Variants in COBLL1 observed in about 807,000 individuals in gnomAD.
The protein encoded by COBLL1 is cordon-bleu protein-like 1.
A neutral mutation model predicts 94.8 loss-of-function variants in COBLL1; 50 were observed. The ratio of observed to expected loss-of-function variants is 0.53; its 90% CI spans 0.42 to 0.67. The LOEUF (loss-of-function observed/expected upper bound fraction) is 0.67. Among genes scored for constraint, COBLL1 ranks in the 30% least tolerant of loss-of-function variants. The pLI, the probability that COBLL1 is intolerant of heterozygous loss-of-function variation, is 0.00. For missense variants in COBLL1, 1,362 were observed against 1,348.7 expected (o/e 1.01, Z -0.15); for synonymous variants, 448 against 473.8 (o/e 0.95, Z 0.71).
At chr2:164,767,104 A>C (rs1687969477) in intron 2 of COBLL1, among the ~76,000 whole-genome samples, 2 of 152,340 alleles carry the variant, frequency 1.3e-5, no homozygotes, top group South Asian at 4.1e-4. Context: ...TAACTTATGT[A>C]CTGGTTTCAC....
rs73968273 is a variant in COBLL1 at position 164,816,348 on chromosome 2, T to C, written c.41+24808A>G. Among the ~76,000 whole-genome samples the C allele has an allele frequency of 2.7e-3, 407 of 152,110 alleles. 4 individuals carry two copies. The highest frequency in any genetic ancestry group is 9.3e-3 in the African/African-American group (388 of 41,522). ...GAAAAGAATGTGGGTGAAAGGACAG[T>C]GTGAGAGATAAGGCCACAAAGGAAA... On this transcript the variant is annotated intron_variant, in intron 2 of 13. Transcript: ENST00000652658.
chr2:164,706,360 A>G (rs1368088966), intron 7 of COBLL1, among the ~76,000 whole-genome samples: 1 of 152,242 alleles, frequency 6.6e-6, no homozygotes, highest in African/African-American at 2.4e-5. Context: ...TCATCTCCTG[A>G]TCAACACTGG....
Position 164,841,575 on chromosome 2 carries a change from G to A in COBLL1, c.-51+135C>T, listed in dbSNP as rs984657760. The A allele has an allele frequency of 5.6e-6, 3 of 535,480 alleles. No individual in the cohort carries two copies. Among genetic ancestry groups the A allele is most frequent in the Non-Finnish European group, 7.7e-6 (3 of 387,696 alleles). 33.2% of individuals were successfully genotyped at this position (535,480 alleles called of 1,614,324 possible). On this transcript the variant is annotated intron_variant, in intron 1 of 13. Transcript: ENST00000652658. The surrounding 1 kb of genome is among the most constrained non-coding windows in gnomAD (Gnocchi z 5.5). The stretch of plus-strand genomic sequence containing the variant: ...GGAGGAGGAGCGGGGCCGGGCGCAC[G>A]GGCACCGCTGCCACGCCGGCAGCGC...
chr2:164,737,677 G>T (rs891715605), intron 3 of COBLL1, among the ~76,000 whole-genome samples: 1 of 151,974 alleles, frequency 6.6e-6, no homozygotes, highest in African/African-American at 2.4e-5. Context: ...TAAATATGAC[G>T]TGAACTTCAG....
intron 7 of COBLL1, among the ~76,000 whole-genome samples, chr2:164,713,437 A>C (rs750637592): frequency 3.4e-4 from 52 of 152,264 alleles, no homozygotes; most frequent in Non-Finnish European, 6.0e-4. Flanking sequence ...CTGCTGAAAT[A>C]AATATTATGA....
intron 3 of COBLL1, among the ~76,000 whole-genome samples, chr2:164,731,322 T>C (rs948981873): frequency 6.6e-6 from 1 of 152,212 alleles, no homozygotes; most frequent in African/African-American, 2.4e-5. Flanking sequence ...TTTAATACTA[T>C]TGGTAATACA....
intron 2 of COBLL1, among the ~76,000 whole-genome samples, chr2:164,764,908 A>G (rs1687861110): frequency 6.6e-6 from 1 of 152,244 alleles, no homozygotes; most frequent in African/African-American, 2.4e-5. Context: ...TCAATCAAGC[A>G]TTTATACTGC....
chr2:164,730,399 GAGGCC>G (rs1212798192), intron 3 of COBLL1, among the ~76,000 whole-genome samples: 2 of 151,712 alleles, frequency 1.3e-5, no homozygotes, highest in African/African-American at 4.8e-5. Context: ...TCAGGAGGTG[GAGGCC>G]AGAGAACAAC....
chr2:164,680,155 T>C (rs1682969229), downstream of COBLL1: 1 of 152,010 alleles, frequency 6.6e-6, no homozygotes, highest in South Asian at 2.1e-4. Flanking sequence ...AATGTCTTTA[T>C]CCATATGAAT....
At chr2:164,758,836 T>G (rs766504125) in intron 2 of COBLL1, among the ~76,000 whole-genome samples, 4 of 152,038 alleles carry the variant, frequency 2.6e-5, no homozygotes, top group Non-Finnish European at 4.4e-5. Flanking sequence ...AAGTTACTCA[T>G]TAAAAACAAA....
At chr2:164,775,774 C>T (rs1414850027) in intron 2 of COBLL1, among the ~76,000 whole-genome samples, 1 of 152,114 alleles carries the variant, frequency 6.6e-6, no homozygotes, top group Admixed American at 6.6e-5. Context: ...GTCTTTAGTG[C>T]CCAAACACTC....
rs1420970418 is a variant in COBLL1 at position 164,692,152 on chromosome 2, T to C, written c.3300+69A>G. 1.1e-5 allele frequency: 15 copies of C among 1,403,900 alleles called. No homozygotes were observed. In the East Asian group the frequency reaches 3.0e-4, roughly 28 times the overall value. 87.0% of individuals were successfully genotyped at this position (1,403,900 alleles called of 1,614,324 possible). ...TTAGATTTACATGCTAGAAAAATTT[T>C]TCCCTAAGTATTAGTTTGACAATGG... On this transcript the variant is annotated intron_variant, in intron 13 of 13. Transcript: ENST00000652658.
chr2:164,780,297 C>T lies in COBLL1; in HGVS notation c.42-36422G>A, dbSNP rs140873952. ...TTCTACAACATAGAAATGGCTGACA[C>T]GGAGGGTTCTACTGCCACAAATGAG... is the stretch of plus-strand genomic sequence containing the variant. On this transcript the variant is annotated intron_variant, in intron 2 of 13. Transcript: ENST00000652658. Among the ~76,000 whole-genome samples, 69 of 152,188 alleles carry T rather than the reference C, an allele frequency of 4.5e-4. 1 individual carries two copies. The East Asian group carries it at 0.012, about 26-fold the overall frequency.
Position 164,682,656 on chromosome 2 carries a change from C to T in COBLL1, c.*3290G>A, listed in dbSNP as rs1683090392. 6.6e-6 allele frequency: 1 copy of T among 152,112 alleles called. No homozygotes were observed. Among genetic ancestry groups the T allele is most frequent in the Non-Finnish European group, 1.5e-5 (1 of 68,018 alleles). The allele number at this position is 152,112 out of a possible 1,614,324, so 9.4% of individuals were successfully genotyped here. Reference sequence around the variant, plus strand: ...ATATTAGGCAAATAATACCTGTTCACTTATAGTATTGACATCAGGTAACTT... The same window carrying T: ...ATATTAGGCAAATAATACCTGTTCATTTATAGTATTGACATCAGGTAACTT... On this transcript the variant is annotated 3_prime_UTR_variant, in exon 14 of 14. Transcript: ENST00000652658.
chr2:164,830,205 T>C (rs1683007359), intron 2 of COBLL1, among the ~76,000 whole-genome samples: 1 of 152,222 alleles, frequency 6.6e-6, no homozygotes, highest in Non-Finnish European at 1.5e-5. Context: ...CATTGGTATT[T>C]GTGGTACCTT....
At chr2:164,763,234 G>A (rs1687774695) in intron 2 of COBLL1, among the ~76,000 whole-genome samples, 1 of 151,160 alleles carries the variant, frequency 6.6e-6, no homozygotes, top group Non-Finnish European at 1.5e-5. Flanking sequence ...AAAATCCTTA[G>A]TTTTATGCAA....
chr2:164,701,298 G>A (rs1240169239), intron 9 of COBLL1, among the ~76,000 whole-genome samples: 1 of 152,086 alleles, frequency 6.6e-6, no homozygotes, highest in African/African-American at 2.4e-5. Context: ...GTGGGGCAAG[G>A]GATTTTTAAG....
chr2:164,825,775 C>T lies in COBLL1; in HGVS notation c.41+15381G>A, dbSNP rs1258195731. On this transcript the variant is annotated intron_variant, in intron 2 of 13. Transcript: ENST00000652658. The stretch of plus-strand genomic sequence containing the variant: ...TGAAACAAATGCCACTCACTCTTAT[C>T]CCCTGTACTAAGTGATGTGGTTGCA... 3.3e-5 allele frequency among the ~76,000 whole-genome samples: 5 copies of T among 152,254 alleles called. No individual in the cohort carries two copies. In the East Asian group the frequency reaches 5.8e-4, roughly 18 times the overall value.
At chr2:164,807,429 C>T (rs556770421) in intron 2 of COBLL1, among the ~76,000 whole-genome samples, 1 of 150,626 alleles carries the variant, frequency 6.6e-6, no homozygotes, top group African/African-American at 2.4e-5. Flanking sequence ...CAGAGTCAGA[C>T]TTCGTCTCAA....
Sources: gnomAD v4.1 joint callset for allele counts (sites outside exome capture counted in the v4.1 genomes callset) on GRCh38, gnomAD v4.1.1 for gene constraint, Gnocchi (gnomAD v3.1) non-coding constraint, MANE v1.5 for transcripts, NCBI Gene and HGNC (gene_info 2026-07-23, HGNC 2026-07-21) for gene names.